Variants in GALNT13 observed in about 807,000 individuals in gnomAD.
GALNT13 encodes polypeptide N-acetylgalactosaminyltransferase 13.
In GALNT13, 28 loss-of-function variants were observed where a neutral mutation model predicts 64.2. The ratio of observed to expected loss-of-function variants is 0.44; its 90% CI spans 0.32 to 0.60. GALNT13 has a LOEUF of 0.60. Among genes scored for constraint, GALNT13 ranks in the 20% least tolerant of loss-of-function variants. GALNT13 has a pLI of 0.05. For missense variants in GALNT13, 577 were observed against 669.8 expected (o/e 0.86, Z 1.53); for synonymous variants, 214 against 224.6 (o/e 0.95, Z 0.42).
At chr2:154,390,456 A>T (rs574294065) in intron 9 of GALNT13, among the ~76,000 whole-genome samples, 24 of 152,280 alleles carry the variant, frequency 1.6e-4, no homozygotes, top group African/African-American at 5.8e-4. Context: ...GTTAACTCCC[A>T]CTTATAAGTG....
intron 9 of GALNT13, among the ~76,000 whole-genome samples, chr2:154,379,941 A>G (rs1698187067): frequency 6.6e-6 from 1 of 152,060 alleles, no homozygotes; most frequent in Admixed American, 6.6e-5. Flanking sequence ...ATCTATGACT[A>G]AAATCACTGA....
the GALNT13 span, among the ~76,000 whole-genome samples, chr2:153,752,345 G>C: frequency 6.6e-6 from 1 of 151,860 alleles, no homozygotes; most frequent in East Asian, 1.9e-4. Flanking sequence ...TGTTCCTTCA[G>C]GTAACTACTT....
At chr2:154,134,884 G>C (rs1264405221) in intron 3 of GALNT13, among the ~76,000 whole-genome samples, 1 of 152,078 alleles carries the variant, frequency 6.6e-6, no homozygotes, top group African/African-American at 2.4e-5. Flanking sequence ...TACTGAAGAG[G>C]CTGAGGCACA....
chr2:153,089,820 G>A, the GALNT13 span, among the ~76,000 whole-genome samples: 1 of 151,918 alleles, frequency 6.6e-6, no homozygotes, highest in Non-Finnish European at 1.5e-5. Flanking sequence ...TTTCTCTGGA[G>A]AATTTTTAAT....
At chr2:154,159,584 G>A (rs1684616425) in intron 4 of GALNT13, among the ~76,000 whole-genome samples, 1 of 152,072 alleles carries the variant, frequency 6.6e-6, no homozygotes, top group Admixed American at 6.6e-5. Context: ...CTTTGATTTT[G>A]TAATCAAAAG....
chr2:154,061,658 T>G (rs1021670755), intron 3 of GALNT13, among the ~76,000 whole-genome samples: 3 of 152,170 alleles, frequency 2.0e-5, no homozygotes, highest in Non-Finnish European at 2.9e-5. Flanking sequence ...CCAAACCATA[T>G]CAACATTTCT....
At chr2:153,753,300 T>C in the GALNT13 span, among the ~76,000 whole-genome samples, 2 of 152,190 alleles carry the variant, frequency 1.3e-5, no homozygotes, top group East Asian at 3.9e-4. Context: ...TCTTGATACT[T>C]ATAGATGTTC....
chr2:153,937,274 GC>G (rs1691004977), intron 2 of GALNT13, among the ~76,000 whole-genome samples: 1 of 152,160 alleles, frequency 6.6e-6, no homozygotes, highest in Non-Finnish European at 1.5e-5. Context: ...AATGTGTATA[GC>G]TATACAATGG....
At chr2:154,219,103 A>T (rs1173257606) in intron 4 of GALNT13, among the ~76,000 whole-genome samples, 1 of 152,100 alleles carries the variant, frequency 6.6e-6, no homozygotes, top group Admixed American at 6.6e-5. Flanking sequence ...ATATCTCTTA[A>T]ATGTTTTCTT....
At chr2:153,909,327 G>A (rs1688790425) in intron 2 of GALNT13, among the ~76,000 whole-genome samples, 1 of 152,100 alleles carries the variant, frequency 6.6e-6, no homozygotes, top group South Asian at 2.1e-4. Context: ...AGTTTAAGGA[G>A]CTTTCAAGCT....
intron 4 of GALNT13, among the ~76,000 whole-genome samples, chr2:154,171,095 C>G (rs576199297): frequency 6.6e-6 from 1 of 152,204 alleles, no homozygotes; most frequent in South Asian, 2.1e-4. Flanking sequence ...CTTAGACACT[C>G]AGCAATGTTA....
At chr2:153,526,795 A>G in the GALNT13 span, among the ~76,000 whole-genome samples, 112 of 152,314 alleles carry the variant, frequency 7.4e-4, no homozygotes, top group African/African-American at 2.6e-3. Flanking sequence ...AATTCAAGAT[A>G]ACACAGAGAA....
intron 11 of GALNT13, chr2:154,409,329 A>G: frequency 4.3e-6 from 2 of 461,562 alleles, no homozygotes; most frequent in Non-Finnish European, 7.8e-6. Context: ...AATATTTTAG[A>G]CACATCTCAT....
At chr2:153,117,568 A>T in the GALNT13 span, among the ~76,000 whole-genome samples, 2 of 152,216 alleles carry the variant, frequency 1.3e-5, no homozygotes, top group African/African-American at 4.8e-5. Flanking sequence ...GGATACACCC[A>T]TCTTGTATTT....
At chr2:153,149,392 A>G in the GALNT13 span, among the ~76,000 whole-genome samples, 1 of 151,912 alleles carries the variant, frequency 6.6e-6, no homozygotes, top group South Asian at 2.1e-4. Flanking sequence ...GGAAGACTGC[A>G]TTTCTTATTA....
chr2:154,120,841 C>A (rs1217899997), intron 3 of GALNT13, among the ~76,000 whole-genome samples: 4 of 152,000 alleles, frequency 2.6e-5, no homozygotes, highest in Admixed American at 6.6e-5. Flanking sequence ...CCACAACTGG[C>A]AGGAAAACAG....
At chr2:154,390,802 C>T (rs1262486278) in intron 9 of GALNT13, among the ~76,000 whole-genome samples, 2 of 152,182 alleles carry the variant, frequency 1.3e-5, no homozygotes, top group Non-Finnish European at 2.9e-5. Context: ...CTTTACATGG[C>T]TTTTGCAAGT....
the GALNT13 span, among the ~76,000 whole-genome samples, chr2:153,310,902 A>C: frequency 6.6e-6 from 1 of 152,186 alleles, no homozygotes; most frequent in South Asian, 2.1e-4. Context: ...TTGACATCTT[A>C]TTCTGGCACC....
chr2:153,654,711 C>T, the GALNT13 span, among the ~76,000 whole-genome samples: 1 of 152,026 alleles, frequency 6.6e-6, no homozygotes, highest in South Asian at 2.1e-4. Flanking sequence ...ACATGGTATT[C>T]ATTATTATAA....
Sources: gnomAD v4.1 joint callset for allele counts (sites outside exome capture counted in the v4.1 genomes callset) on GRCh38, gnomAD v4.1.1 for gene constraint, MANE v1.5 for transcripts, NCBI Gene and HGNC (gene_info 2026-07-23, HGNC 2026-07-21) for gene names.